TPO: variants seen among roughly 807,000 people sequenced by gnomAD.
TPO encodes the protein thyroid microsomal antigen.
A neutral mutation model predicts 96.9 loss-of-function variants in TPO; 78 were observed. The ratio of observed to expected loss-of-function variants is 0.81; its 90% CI spans 0.67 to 0.97. The LOEUF (loss-of-function observed/expected upper bound fraction) is 0.97. Among genes scored for constraint, TPO ranks in the 50% least tolerant of loss-of-function variants. The pLI is 0.00. For missense variants in TPO, 1,252 were observed against 1,274.8 expected (o/e 0.98, Z 0.27); for synonymous variants, 547 against 538.0 (o/e 1.02, Z -0.23).
intron 1 of TPO, among the ~76,000 whole-genome samples, chr2:1,380,212 G>A (rs1661787031): frequency 6.6e-6 from 1 of 152,012 alleles, no homozygotes; most frequent in East Asian, 1.9e-4. Flanking sequence ...GGCTAATACG[G>A]TGAAACCCCG....
At chr2:1,455,710 C>A (rs1667726428) in intron 6 of TPO, among the ~76,000 whole-genome samples, 1 of 152,222 alleles carries the variant, frequency 6.6e-6, no homozygotes, top group Non-Finnish European at 1.5e-5. Context: ...GGAGGCTCTG[C>A]CCTCTGAGTC....
chr2:1,458,733 G>A (rs1668126245), intron 7 of TPO, among the ~76,000 whole-genome samples: 1 of 152,170 alleles, frequency 6.6e-6, no homozygotes, highest in Non-Finnish European at 1.5e-5. Context: ...TCAGTGCCTG[G>A]TAAGGACCAC....
intron 4 of TPO, among the ~76,000 whole-genome samples, chr2:1,435,951 A>G (rs2148500222): frequency 6.6e-6 from 1 of 152,324 alleles, no homozygotes; most frequent in South Asian, 2.1e-4. Flanking sequence ...GGTAACTGCA[A>G]AGTTACTTGC....
chr2:1,439,205 G>A (rs563664020), intron 5 of TPO: 3 of 231,816 alleles, frequency 1.3e-5, no homozygotes, highest in East Asian at 9.1e-5. Context: ...ACGCTCCTGG[G>A]AGAATCTCTG....
At chr2:1,453,855 A>G (rs1294045749) in intron 6 of TPO, 32 bp downstream of exon 6, 3 of 1,613,290 alleles carry the variant, frequency 1.9e-6, no homozygotes, top group Non-Finnish European at 2.5e-6. Context: ...ATCCTGGACT[A>G]AGATTGGGTC....
Position 1,399,264 on chromosome 2 carries a change from T to G in TPO, n.180+24862T>G, listed in dbSNP as rs368598333. Among the ~76,000 whole-genome samples, 74 of 152,342 alleles carry G rather than the reference T, an allele frequency of 4.9e-4. No individual in the cohort carries two copies. In the South Asian group the frequency reaches 0.015, roughly 31 times the overall value. On this transcript the variant is annotated intron_variant and non_coding_transcript_variant, in intron 1 of 5. Coordinates refer to the TPO transcript ENST00000497517. ...GCCCTCCTGGGCATCATCACCAGAT[T>G]GCATTTTCTGCGCGGAGCTTCTCCA...
rs149126476 is a variant in TPO at position 1,447,115 on chromosome 2, G to A, written c.483-6579G>A. ...GCTAACCTGAAAAACTAATCTGACC[G>A]TGATGGGGAGAGTGAGGTCAGACGT... On this transcript the variant is annotated intron_variant, in intron 5 of 16. Transcript: ENST00000329066. Among the ~76,000 whole-genome samples, 477 of 152,256 alleles carry A rather than the reference G, an allele frequency of 3.1e-3. 1 individual carries two copies. The highest frequency in any genetic ancestry group is 0.011 in the African/African-American group (445 of 41,538).
At chr2:1,505,467 G>C (rs1304240217) in intron 14 of TPO, among the ~76,000 whole-genome samples, 1 of 91,482 alleles carries the variant, frequency 1.1e-5, no homozygotes, top group African/African-American at 4.9e-5. Flanking sequence ...CTCTTCCTGT[G>C]TCAGGCGCAT....
chr2:1,474,877 C>T lies in TPO; in HGVS notation c.820-2209C>T, dbSNP rs527997073. On this transcript the variant is annotated intron_variant, in intron 7 of 16. Coordinates refer to ENST00000329066, the MANE Select transcript of TPO (RefSeq NM_001206744.2). Reference sequence around the variant, plus strand: ...TTTTCTTCCCACCAGGTCTTTTATTCATAGTTAATTATTTTAACTTCTGCA... The same window carrying T: ...TTTTCTTCCCACCAGGTCTTTTATTTATAGTTAATTATTTTAACTTCTGCA... 7.2e-5 allele frequency among the ~76,000 whole-genome samples: 11 copies of T among 152,334 alleles called. No individual in the cohort carries two copies. In the South Asian group the frequency reaches 1.9e-3, roughly 26 times the overall value.
At position 1,404,725 on chromosome 2, in the gene TPO, T is replaced by C. The variant is rs990139512; in HGVS notation, n.180+30323T>C. ...AATGTCCGTGGTTTAAACCACCCAGTCTGTGGTACTTTGTTATGGCAGTCC... is the reference window on the plus strand; with the variant it reads ...AATGTCCGTGGTTTAAACCACCCAGCCTGTGGTACTTTGTTATGGCAGTCC... On this transcript the variant is annotated intron_variant and non_coding_transcript_variant, in intron 1 of 5. Coordinates refer to the TPO transcript ENST00000497517. 5.3e-5 allele frequency among the ~76,000 whole-genome samples: 8 copies of C among 152,206 alleles called. 1 individual carries two copies. The highest frequency in any genetic ancestry group is 4.6e-4 in the Admixed American group (7 of 15,284).
At chr2:1,460,861 C>T (rs1251724109) in intron 7 of TPO, among the ~76,000 whole-genome samples, 1 of 151,840 alleles carries the variant, frequency 6.6e-6, no homozygotes, top group Non-Finnish European at 1.5e-5. Context: ...GGTGGGGGCT[C>T]CACCTTTGGG....
chr2:1,520,687 G>A (rs1337866125), intron 15 of TPO, among the ~76,000 whole-genome samples: 6 of 152,166 alleles, frequency 3.9e-5, no homozygotes, highest in Non-Finnish European at 8.8e-5. Context: ...TACCTCCACG[G>A]TATTATGCTT....
chr2:1,411,334 A>T (rs2298874), upstream of TPO, among the ~76,000 whole-genome samples: 14 of 152,318 alleles, frequency 9.2e-5, no homozygotes, highest in East Asian at 2.7e-3. Flanking sequence ...GAGAGGCTAC[A>T]AAACGACCTG....
intron 15 of TPO, among the ~76,000 whole-genome samples, chr2:1,530,083 T>C (rs1431297317): frequency 3.3e-5 from 4 of 119,914 alleles, no homozygotes; most frequent in African/African-American, 1.4e-4. Flanking sequence ...TGCAACCTCC[T>C]CAAATCCCCC....
chr2:1,452,425 A>C (rs1667390711), intron 5 of TPO, among the ~76,000 whole-genome samples: 1 of 152,222 alleles, frequency 6.6e-6, no homozygotes, highest in Non-Finnish European at 1.5e-5. Flanking sequence ...ATTAATAACT[A>C]ATAGTGCTCC....
intron 15 of TPO, among the ~76,000 whole-genome samples, chr2:1,539,629 G>A (rs1455815210): frequency 1.3e-5 from 2 of 152,186 alleles, no homozygotes; most frequent in South Asian, 2.1e-4. Flanking sequence ...TGCGGAGGGC[G>A]CTGTGGTGCG....
intron 14 of TPO, among the ~76,000 whole-genome samples, chr2:1,509,214 C>G (rs192585326): frequency 6.6e-6 from 1 of 152,216 alleles, no homozygotes; most frequent in Non-Finnish European, 1.5e-5. Flanking sequence ...GTTTCTGAAT[C>G]CTGAGTTCTA....
At chr2:1,539,582 G>A (rs368921138) in intron 15 of TPO, among the ~76,000 whole-genome samples, 3 of 152,144 alleles carry the variant, frequency 2.0e-5, no homozygotes, top group Admixed American at 6.5e-5. Context: ...GGGCGGTGAC[G>A]GTGCACTGGA....
At chr2:1,480,799 C>CCTTCATCCGTCCACACCACCTCCCTCCTG (rs1670533899) in intron 8 of TPO, among the ~76,000 whole-genome samples, 1 of 97,698 alleles carries the variant, frequency 1.0e-5, no homozygotes, top group Admixed American at 1.1e-4. Context: ...CCACCTTCCT[C>CCTTCATCCGTCCACACCACCTCCCTCCTG]CTGCTGCATC....
Sources: gnomAD v4.1 joint callset for allele counts (sites outside exome capture counted in the v4.1 genomes callset) on GRCh38, gnomAD v4.1.1 for gene constraint, MANE v1.5 for transcripts, NCBI Gene and HGNC (gene_info 2026-07-23, HGNC 2026-07-21) for gene names.